BRWD1: variants seen among roughly 807,000 people sequenced by gnomAD.
The protein encoded by BRWD1 is bromodomain and WD repeat-containing protein 1.
In BRWD1, 82 loss-of-function variants were observed where a neutral mutation model predicts 251.2. That is an observed-to-expected ratio of 0.33 (90% confidence interval 0.27 to 0.39). The LOEUF (loss-of-function observed/expected upper bound fraction) is 0.39, where lower values mean the gene tolerates loss of function less well. BRWD1 is among the 10% of genes least tolerant of loss of function. The pLI, the probability that BRWD1 is intolerant of heterozygous loss-of-function variation, is 1.00. For synonymous variants in BRWD1, 918 were observed against 902.8 expected (o/e 1.02, Z -0.30); for missense variants, 2,233 against 2,711.6 (o/e 0.82, Z 3.92).
chr21:39,250,275 C>G (rs2034352476), intron 20 of BRWD1, among the ~76,000 whole-genome samples: 1 of 151,960 alleles, frequency 6.6e-6, no homozygotes, highest in African/African-American at 2.4e-5. Context: ...TAAATCGTCT[C>G]TGGGAATAAA....
At chr21:39,202,833 G>A (rs924202570) in intron 37 of BRWD1, among the ~76,000 whole-genome samples, 7 of 152,182 alleles carry the variant, frequency 4.6e-5, no homozygotes, top group South Asian at 4.1e-4. Context: ...TGGATTAAAT[G>A]CTAAGAGGAA....
intron 37 of BRWD1, among the ~76,000 whole-genome samples, chr21:39,203,438 C>CTTTTTTTTTTTGTTTTTTTTTTTTTT (rs2032215965): frequency 1.5e-5 from 1 of 67,716 alleles, no homozygotes; most frequent in Non-Finnish European, 2.9e-5. Flanking sequence ...GACCCTGGTT[C>CTTTTTTTTTTTGTTTTTTTTTTTTTT]TTTTTTTTTT....
intron 4 of BRWD1, among the ~76,000 whole-genome samples, chr21:39,311,310 G>A (rs1407618432): frequency 6.6e-6 from 1 of 151,928 alleles, no homozygotes; most frequent in Non-Finnish European, 1.5e-5. Context: ...TGGGACTACA[G>A]GCACGCACCA....
In BRWD1 at chr21:39,313,513, C is replaced by T. The variant is rs1601525270; in HGVS notation, c.-22G>A. 11 of 1,195,502 alleles carry T rather than the reference C, an allele frequency of 9.2e-6. No individual in the cohort carries two copies. The highest frequency in any genetic ancestry group is 4.2e-5 in the South Asian group (2 of 47,754). 74.1% of individuals were successfully genotyped at this position (1,195,502 alleles called of 1,614,324 possible). A position where few individuals can be genotyped will look rare whatever the true frequency, so the allele number is the denominator to read the frequency against. On this transcript the variant is annotated 5_prime_UTR_variant, in exon 1 of 41. Transcript: ENST00000342449. ...CCATGGCCGGGCGCGGGGCGGGAGG[C>T]GGGAGCGAGCGAGCGAGCGGAGCGT...
chr21:39,188,076 G>A lies in BRWD1; in HGVS notation c.*8183C>T, dbSNP rs1568843440. The A allele has an allele frequency of 2.0e-6, 2 of 985,286 alleles. No homozygotes were observed. The highest frequency in any genetic ancestry group is 2.4e-6 in the Non-Finnish European group (2 of 829,920). The allele number at this position is 985,286 out of a possible 1,614,324, so 61.0% of individuals were successfully genotyped here. On this transcript the variant is annotated 3_prime_UTR_variant, in exon 41 of 41. Transcript: ENST00000342449. ...CATGATGCCAGAGCTACTACTCCGT[G>A]CTGACCAAACTTAGGAGGGCTCAGA...
At chr21:39,297,004 T>A in intron 5 of BRWD1, 2 of 985,358 alleles carry the variant, frequency 2.0e-6, no homozygotes, top group Non-Finnish European at 2.4e-6. Flanking sequence ...TTATATAGCT[T>A]TCCCTTCATT....
intron 18 of BRWD1, among the ~76,000 whole-genome samples, chr21:39,257,938 T>A (rs2034613851): frequency 6.6e-6 from 1 of 152,210 alleles, no homozygotes; most frequent in African/African-American, 2.4e-5. Context: ...TCTTATGCTG[T>A]AAGTTTAAGA....
chr21:39,306,446 G>C (rs542940063), intron 4 of BRWD1, among the ~76,000 whole-genome samples: 1 of 152,130 alleles, frequency 6.6e-6, no homozygotes, highest in African/African-American at 2.4e-5. Flanking sequence ...ATGTATACGA[G>C]TGGTAAAGAC....
At position 39,195,834 on chromosome 21, in the gene BRWD1, T is replaced by G; in HGVS notation, c.*425A>C. On this transcript the variant is annotated 3_prime_UTR_variant, in exon 41 of 41. Coordinates refer to ENST00000342449, the MANE Select transcript of BRWD1 (RefSeq NM_033656.4). Reference sequence around the variant, plus strand: ...AGTATGCATGTATTTATGAAGAATCTGTAAACATAGGTTGTGAAATTGTTG... The same window carrying G: ...AGTATGCATGTATTTATGAAGAATCGGTAAACATAGGTTGTGAAATTGTTG... 4 of 988,272 alleles carry G rather than the reference T, an allele frequency of 4.0e-6. No individual in the cohort carries two copies. The highest frequency in any genetic ancestry group is 4.8e-6 in the Non-Finnish European group (4 of 831,898). The allele number at this position is 988,272 out of a possible 1,614,324, so 61.2% of individuals were successfully genotyped here. A position where few individuals can be genotyped will look rare whatever the true frequency, so the allele number is the denominator to read the frequency against.
At chr21:39,212,393 T>C (rs751536690) in intron 34 of BRWD1, among the ~76,000 whole-genome samples, 5 of 152,186 alleles carry the variant, frequency 3.3e-5, no homozygotes, top group Non-Finnish European at 7.4e-5. Context: ...TAACAGTCTA[T>C]GGACATGCCA....
In BRWD1 at chr21:39,235,509, C is replaced by T. The variant is rs148833630; in HGVS notation, c.2766+1086G>A. 50 of 172,938 alleles carry T rather than the reference C, an allele frequency of 2.9e-4. No homozygotes were observed. The East Asian group carries it at 8.4e-3, about 29-fold the overall frequency. The allele number at this position is 172,938 out of a possible 1,614,324, so 10.7% of individuals were successfully genotyped here. A position where few individuals can be genotyped will look rare whatever the true frequency, so the allele number is the denominator to read the frequency against. On this transcript the variant is annotated intron_variant, in intron 23 of 40. Coordinates refer to ENST00000342449, the MANE Select transcript of BRWD1 (RefSeq NM_033656.4). ...GTTACTCCGTTCATAGTGAATTAAGCAAGGTAAAAGAATCATGGAGTGATT... is the reference window on the plus strand; with the variant it reads ...GTTACTCCGTTCATAGTGAATTAAGTAAGGTAAAAGAATCATGGAGTGATT...
intron 37 of BRWD1, among the ~76,000 whole-genome samples, chr21:39,203,866 A>G (rs2032246133): frequency 6.8e-6 from 1 of 147,322 alleles, no homozygotes; most frequent in African/African-American, 2.5e-5. Flanking sequence ...AAAAGTAAAT[A>G]TAAGGCTGGG....
At chr21:39,286,015 A>ATTTTTTTT (rs1568953276) in intron 8 of BRWD1, among the ~76,000 whole-genome samples, 1 of 26,738 alleles carries the variant, frequency 3.7e-5, no homozygotes. Context: ...CACCATATGA[A>ATTTTTTTT]CTTTTTTTTT....
At chr21:39,307,427 C>T (rs1367929852) in intron 4 of BRWD1, among the ~76,000 whole-genome samples, 2 of 151,942 alleles carry the variant, frequency 1.3e-5, no homozygotes, top group African/African-American at 4.8e-5. Flanking sequence ...GTATGAATAT[C>T]AATGTATTAT....
chr21:39,212,879 A>T (rs956382286), intron 33 of BRWD1, among the ~76,000 whole-genome samples, 172 bp from the exon 34 acceptor site: 1 of 146,686 alleles, frequency 6.8e-6, no homozygotes, highest in African/African-American at 2.7e-5. Flanking sequence ...CCAGGCTTGA[A>T]AAAAAAAAAT....
Position 39,189,610 on chromosome 21 carries a change from T to A in BRWD1, c.*6649A>T. The A allele has an allele frequency of 1.0e-6, 1 of 982,544 alleles. No individual in the cohort carries two copies. Among genetic ancestry groups the A allele is most frequent in the Non-Finnish European group, 1.2e-6 (1 of 827,372 alleles). 60.9% of individuals were successfully genotyped at this position (982,544 alleles called of 1,614,324 possible). ...ACTTGATAAAGCTGAATCTCTTAAG[T>A]CTTAGACAATAAAACAGGAATTTCA... On this transcript the variant is annotated 3_prime_UTR_variant, in exon 41 of 41. Transcript: ENST00000342449.
chr21:39,264,573 A>C lies in BRWD1; in HGVS notation c.1772T>G (p.Phe591Cys). 1 of 1,613,130 alleles carries C rather than the reference A, an allele frequency of 6.2e-7. No homozygotes were observed. Residue 591 changes from phenylalanine to cysteine, a missense_variant, in exon 17 of 41, where the codon TTC becomes TGC. Physicochemically the swap from Phe to Cys is radical, Grantham distance 205. Coordinates refer to ENST00000342449, the MANE Select transcript of BRWD1 (RefSeq NM_033656.4). ...QQAPHLMPPP[F>C]LVDVDGNPHP... ...AGGATTTCCATCTACATCTACCAAG[A>C]ATGGTGGAGGCATAAGATGAGGAGC...
At position 39,232,290 on chromosome 21, in the gene BRWD1, A is replaced by G. The variant is rs1388204641; in HGVS notation, c.2893-6T>C. ...CCCTGTCGAAAATATATTACCTACAAAAGGGAAATATGCATTTAAAAATTA... is the reference window on the plus strand; with the variant it reads ...CCCTGTCGAAAATATATTACCTACAGAAGGGAAATATGCATTTAAAAATTA... On this transcript the variant is annotated splice_region_variant and splice_polypyrimidine_tract_variant and intron_variant, in intron 24 of 40. Coordinates refer to ENST00000342449, the MANE Select transcript of BRWD1 (RefSeq NM_033656.4). 1.2e-6 allele frequency: 2 copies of G among 1,606,098 alleles called. No individual in the cohort carries two copies. The highest frequency in any genetic ancestry group is 1.3e-5 in the African/African-American group (1 of 74,482).
In BRWD1 at chr21:39,293,987, G is replaced by C. The variant is rs372951091; in HGVS notation, c.655C>G (p.Arg219Gly). 11 of 1,613,938 alleles carry C rather than the reference G, an allele frequency of 6.8e-6. No individual in the cohort carries two copies. The highest frequency in any genetic ancestry group is 1.7e-5 in the Admixed American group (1 of 59,978). The change falls in exon 8 of 41, where the codon CGC (arginine) becomes GGC (glycine). Residue 219 changes from arginine (R) to glycine (G), a missense_variant. By Grantham distance (125) the Arg-to-Gly change is moderately radical (BLOSUM62 -2). Transcript: ENST00000342449. ...LVKIWSTHNG[R>G]LLSTLRGHSA... ...TGACCTCTTAATGTAGATAACAAGC[G>C]GCCATTATGTGTTGACCAAATCTTT...
Sources: gnomAD v4.1 joint callset for allele counts (sites outside exome capture counted in the v4.1 genomes callset) on GRCh38, gnomAD v4.1.1 for gene constraint, MANE v1.5 for transcripts, NCBI Gene and HGNC (gene_info 2026-07-23, HGNC 2026-07-21) for gene names.